The following CSMD3 variants were observed in gnomAD, a reference collection of about 807,000 sequenced individuals.
CSMD3 encodes the protein CUB and Sushi multiple domains 3.
In CSMD3, 177 loss-of-function variants were observed where a neutral mutation model predicts 435.2. That is an observed-to-expected ratio of 0.41 (90% confidence interval 0.36 to 0.46). The LOEUF (loss-of-function observed/expected upper bound fraction) is 0.46, where lower values mean the gene tolerates loss of function less well. CSMD3 is among the 20% of genes least tolerant of loss of function. The pLI is 0.34. For missense variants in CSMD3, 4,265 were observed against 4,504.6 expected (o/e 0.95, Z 1.52); for synonymous variants, 1,656 against 1,520.5 (o/e 1.09, Z -2.07).
At chr8:113,303,656 T>C (rs1487459235) in intron 2 of CSMD3, among the ~76,000 whole-genome samples, 17 of 136,548 alleles carry the variant, frequency 1.2e-4, no homozygotes, top group Non-Finnish European at 2.5e-4. Context: ...AAACAAGCAA[T>C]GGGGAAAGGA....
intron 38 of CSMD3, among the ~76,000 whole-genome samples, chr8:112,371,600 A>G (rs572131033): frequency 2.0e-5 from 3 of 152,264 alleles, no homozygotes; most frequent in African/African-American, 7.2e-5. Flanking sequence ...ATAAAAACAA[A>G]TGACAAAGGA....
chr8:112,492,087 A>C (rs1327267150), intron 31 of CSMD3, among the ~76,000 whole-genome samples: 1 of 152,302 alleles, frequency 6.6e-6, no homozygotes, highest in Middle Eastern at 3.4e-3. Flanking sequence ...ACCAGTTCTT[A>C]ATAATATTTA....
rs570553328 is a variant in CSMD3, at chr8:112,932,381, A to T, written c.1509-10630T>A. On this transcript the variant is annotated intron_variant, in intron 9 of 70. Transcript: ENST00000297405. Reference sequence around the variant, plus strand: ...AAATTTTTATGCATATGTGCAAGCTAAAAATGTTCATCTCATAGACATAGA... The same window carrying T: ...AAATTTTTATGCATATGTGCAAGCTTAAAATGTTCATCTCATAGACATAGA... Among the ~76,000 whole-genome samples, 387 of 152,332 alleles carry T rather than the reference A, an allele frequency of 2.5e-3. 2 individuals are homozygous for T. The highest frequency in any genetic ancestry group is 4.4e-3 in the Non-Finnish European group (296 of 68,030).
At chr8:112,492,044 C>T (rs1164744586) in intron 31 of CSMD3, among the ~76,000 whole-genome samples, 3 of 152,134 alleles carry the variant, frequency 2.0e-5, no homozygotes, top group Non-Finnish European at 4.4e-5. Context: ...AATACATATT[C>T]TTCTTTATCC....
At chr8:112,321,172 A>T (rs1353931343) in intron 45 of CSMD3, among the ~76,000 whole-genome samples, 1 of 152,088 alleles carries the variant, frequency 6.6e-6, no homozygotes, top group African/African-American at 2.4e-5. Flanking sequence ...ATTGTTTTAT[A>T]TGCCTATTTT....
chr8:112,486,971 T>C (rs1563603265), intron 31 of CSMD3, among the ~76,000 whole-genome samples: 1 of 152,176 alleles, frequency 6.6e-6, no homozygotes. Flanking sequence ...TTTGGAATAA[T>C]TGGTGAGCTA....
At chr8:113,388,583 T>C (rs12545155) in intron 1 of CSMD3, among the ~76,000 whole-genome samples, 107,872 of 151,240 alleles carry the variant, frequency 0.71, 38,728 homozygotes, top group East Asian at 0.94. Context: ...TGGCACTTAG[T>C]TGGTCACCAC....
intron 24 of CSMD3, among the ~76,000 whole-genome samples, chr8:112,561,000 G>A (rs1441234447): frequency 6.6e-6 from 1 of 151,628 alleles, no homozygotes; most frequent in African/African-American, 2.4e-5. Context: ...GGCATTGCTG[G>A]TGATGAGGTA....
intron 3 of CSMD3, among the ~76,000 whole-genome samples, chr8:113,271,378 C>T (rs377076990): frequency 6.6e-6 from 1 of 152,004 alleles, no homozygotes; most frequent in African/African-American, 2.4e-5. Context: ...GTTTCTTTGA[C>T]TGGGCCCAGG....
intron 1 of CSMD3, among the ~76,000 whole-genome samples, chr8:113,394,132 T>TA (rs2094472886): frequency 6.8e-6 from 1 of 146,602 alleles, no homozygotes; most frequent in Non-Finnish European, 1.5e-5. Flanking sequence ...AACTGGGTAC[T>TA]AAAAAAACTC....
At chr8:112,382,376 G>A (rs1305033303) in intron 37 of CSMD3, among the ~76,000 whole-genome samples, 1 of 151,136 alleles carries the variant, frequency 6.6e-6, no homozygotes. Flanking sequence ...AATTGTGTGC[G>A]ATTTTTCTAA....
chr8:112,445,770 A>T (rs1815533922), intron 32 of CSMD3, among the ~76,000 whole-genome samples: 1 of 152,196 alleles, frequency 6.6e-6, no homozygotes, highest in African/African-American at 2.4e-5. Context: ...GCCTAAAAGC[A>T]ACTAACTGAC....
At chr8:112,494,496 TTTCTTTCTTTCTTTC>T (rs1563615134) in intron 30 of CSMD3, among the ~76,000 whole-genome samples, 9,556 of 91,772 alleles carry the variant, frequency 0.1, 1,144 homozygotes, top group Non-Finnish European at 0.13. Flanking sequence ...CTTTCTCTCC[TTTCTTTCTTTCTTTC>T]TTTCTTTCTT....
chr8:112,894,053 A>C (rs1210306785), intron 10 of CSMD3, among the ~76,000 whole-genome samples: 1 of 151,478 alleles, frequency 6.6e-6, no homozygotes, highest in Non-Finnish European at 1.5e-5. Flanking sequence ...CTAAAAACCA[A>C]ACAAACAAAC....
intron 10 of CSMD3, among the ~76,000 whole-genome samples, chr8:112,887,783 A>C (rs2081653106): frequency 6.6e-6 from 1 of 151,516 alleles, no homozygotes; most frequent in African/African-American, 2.4e-5. Context: ...GGATTGTCGT[A>C]AATTTTTCAC....
intron 31 of CSMD3, among the ~76,000 whole-genome samples, chr8:112,481,004 T>C (rs1265587476): frequency 2.6e-5 from 4 of 152,228 alleles, no homozygotes; most frequent in Non-Finnish European, 5.9e-5. Context: ...AATGTGTCCA[T>C]GATCCAACTA....
chr8:112,876,157 T>A (rs532124492), intron 10 of CSMD3, among the ~76,000 whole-genome samples: 41 of 152,100 alleles, frequency 2.7e-4, no homozygotes, highest in Non-Finnish European at 5.1e-4. Context: ...AATAGACCAA[T>A]AACAAGTTCT....
At chr8:112,855,809 C>CTTTTTTT (rs34885472) in intron 11 of CSMD3, among the ~76,000 whole-genome samples, 25 of 135,566 alleles carry the variant, frequency 1.8e-4, no homozygotes, top group Non-Finnish European at 1.9e-4. Context: ...CTTAGCGAAG[C>CTTTTTTT]TTTTTTTTTT....
At chr8:112,562,006 A>G (rs1308770508) in intron 24 of CSMD3, among the ~76,000 whole-genome samples, 2 of 151,168 alleles carry the variant, frequency 1.3e-5, no homozygotes, top group African/African-American at 4.9e-5. Context: ...CCAATTTTTT[A>G]CTGCTATGAA....
Sources: gnomAD v4.1 joint callset for allele counts (sites outside exome capture counted in the v4.1 genomes callset) on GRCh38, gnomAD v4.1.1 for gene constraint, MANE v1.5 for transcripts, NCBI Gene and HGNC (gene_info 2026-07-23, HGNC 2026-07-21) for gene names.